Variants in L3MBTL4 observed in about 807,000 individuals in gnomAD.
The protein encoded by L3MBTL4 is L3MBTL histone methyl-lysine binding protein 4.
A neutral mutation model predicts 84.5 loss-of-function variants in L3MBTL4; 70 were observed. The observed-to-expected ratio is 0.83, with a 90% CI of 0.68 to 1.01. The LOEUF (loss-of-function observed/expected upper bound fraction) is 1.01, where lower values mean the gene tolerates loss of function less well. L3MBTL4 is among the 50% of genes least tolerant of loss of function. The pLI is 0.00. For missense variants in L3MBTL4, 715 were observed against 754.8 expected (o/e 0.95, Z 0.62); for synonymous variants, 274 against 259.8 (o/e 1.05, Z -0.52).
intron 1 of L3MBTL4, among the ~76,000 whole-genome samples, chr18:6,359,696 A>T (rs748375371): frequency 6.6e-6 from 1 of 152,144 alleles, no homozygotes; most frequent in Non-Finnish European, 1.5e-5. Flanking sequence ...AGAGAGTTGG[A>T]CAGACTGAGA....
intron 17 of L3MBTL4, among the ~76,000 whole-genome samples, chr18:5,965,055 C>T (rs1396057970): frequency 2.0e-5 from 3 of 152,198 alleles, no homozygotes; most frequent in African/African-American, 4.8e-5. Flanking sequence ...ATACTTTACA[C>T]CTCCACAACT....
At chr18:6,182,824 G>A (rs909263374) in intron 12 of L3MBTL4, among the ~76,000 whole-genome samples, 7 of 152,098 alleles carry the variant, frequency 4.6e-5, no homozygotes, top group Non-Finnish European at 8.8e-5. Context: ...CTTTTCAAAT[G>A]CTTTTTTAGG....
intron 3 of L3MBTL4, among the ~76,000 whole-genome samples, chr18:6,309,034 A>G (rs1414670178): frequency 6.6e-6 from 1 of 152,222 alleles, no homozygotes; most frequent in Non-Finnish European, 1.5e-5. Context: ...TTAGATATCC[A>G]AGGTATGAAA....
rs908959460 is a variant in L3MBTL4, at chr18:6,414,637, G to C, written c.-91+164C>G. ...AAGAGAAAGAGCCTGGGCCGGGACC[G>C]GGGCTATCCCCAACCGCCACCGCCC... On this transcript the variant is annotated intron_variant, in intron 1 of 18. Transcript: ENST00000317931. This position sits in a 1 kb window ranked among gnomAD's most constrained non-coding sequence, Gnocchi z 5.4. The C allele has an allele frequency of 8.7e-4, 133 of 152,146 alleles. No individual in the cohort carries two copies. Among genetic ancestry groups the C allele is most frequent in the African/African-American group, 3.0e-3 (124 of 41,538 alleles). The allele number at this position is 152,146 out of a possible 1,614,324, so 9.4% of individuals were successfully genotyped here.
chr18:6,174,320 T>G (rs2044121606), intron 12 of L3MBTL4, among the ~76,000 whole-genome samples: 1 of 152,066 alleles, frequency 6.6e-6, no homozygotes, highest in South Asian at 2.1e-4. Flanking sequence ...AGAAAAGGAT[T>G]GCAAAGTAGT....
intron 1 of L3MBTL4, among the ~76,000 whole-genome samples, chr18:6,370,133 CAAA>C (rs35835409): frequency 1.0e-4 from 9 of 88,272 alleles, no homozygotes; most frequent in South Asian, 4.0e-4. Flanking sequence ...GACTCGGTCT[CAAA>C]AAAAAAAAAA....
chr18:6,305,877 A>G (rs189692136), intron 3 of L3MBTL4, among the ~76,000 whole-genome samples: 3 of 152,308 alleles, frequency 2.0e-5, no homozygotes, highest in Admixed American at 6.5e-5. Context: ...ATGAATTCCA[A>G]TCAAGGGAAC....
At chr18:6,172,658 C>T (rs2145214932) in intron 12 of L3MBTL4, among the ~76,000 whole-genome samples, 1 of 152,128 alleles carries the variant, frequency 6.6e-6, no homozygotes, top group East Asian at 1.9e-4. Context: ...AACACACACA[C>T]ACATACCATG....
intron 16 of L3MBTL4, among the ~76,000 whole-genome samples, chr18:6,000,611 C>T (rs1262517467): frequency 2.0e-5 from 3 of 152,128 alleles, no homozygotes; most frequent in Admixed American, 6.5e-5. Context: ...AACAATGAAA[C>T]AGAGCAAATA....
chr18:6,314,435 G>A (rs2050992216), intron 1 of L3MBTL4, among the ~76,000 whole-genome samples: 1 of 152,158 alleles, frequency 6.6e-6, no homozygotes, highest in Admixed American at 6.5e-5. Flanking sequence ...ACTGAGCTGT[G>A]CCCGGTGTCC....
At chr18:6,197,112 CTTTTA>C (rs2045434977) in intron 12 of L3MBTL4, among the ~76,000 whole-genome samples, 2 of 152,088 alleles carry the variant, frequency 1.3e-5, no homozygotes, top group Non-Finnish European at 2.9e-5. Context: ...TTTTTAAAAA[CTTTTA>C]TTTTATGTTC....
chr18:6,030,234 A>C, intron 16 of L3MBTL4: 2 of 925,574 alleles, frequency 2.2e-6, no homozygotes, highest in Non-Finnish European at 2.6e-6. Context: ...CTGAAGGCTG[A>C]GGATCAGGTT....
chr18:6,059,896 T>C (rs2057149175), intron 16 of L3MBTL4, among the ~76,000 whole-genome samples: 1 of 152,258 alleles, frequency 6.6e-6, no homozygotes, highest in Non-Finnish European at 1.5e-5. Context: ...ATTTATTTTT[T>C]CTAAGTGAAG....
chr18:6,220,906 C>T (rs1007635728), intron 10 of L3MBTL4, among the ~76,000 whole-genome samples: 7 of 152,080 alleles, frequency 4.6e-5, no homozygotes, highest in Non-Finnish European at 8.8e-5. Context: ...ACCATTTGAA[C>T]AAAATGGTGC....
chr18:6,030,446 T>C, intron 16 of L3MBTL4: 1 of 983,684 alleles, frequency 1.0e-6, no homozygotes, highest in Non-Finnish European at 1.2e-6. Context: ...CAGGTATTAA[T>C]TTGCATTGCT....
chr18:5,961,785 T>C (rs2095264736), intron 17 of L3MBTL4, among the ~76,000 whole-genome samples: 1 of 152,174 alleles, frequency 6.6e-6, no homozygotes, highest in Non-Finnish European at 1.5e-5. Flanking sequence ...ACAGTTTTCT[T>C]GTTCTAGGTG....
chr18:6,052,033 T>C (rs560170668), intron 16 of L3MBTL4, among the ~76,000 whole-genome samples: 14 of 152,224 alleles, frequency 9.2e-5, no homozygotes, highest in Non-Finnish European at 1.8e-4. Context: ...GGTGTTTCCC[T>C]TGCAGTTTCC....
intron 13 of L3MBTL4, among the ~76,000 whole-genome samples, chr18:6,155,896 T>C (rs1367787105): frequency 6.6e-6 from 1 of 152,168 alleles, no homozygotes; most frequent in Non-Finnish European, 1.5e-5. Flanking sequence ...CTTGACTCTG[T>C]GTTCATTCCT....
intron 5 of L3MBTL4, among the ~76,000 whole-genome samples, chr18:6,257,358 C>T (rs2048188010): frequency 6.6e-6 from 1 of 152,048 alleles, no homozygotes; most frequent in African/African-American, 2.4e-5. Flanking sequence ...AAAATACACC[C>T]ACACGTAACC....
Sources: allele counts gnomAD v4.1 joint callset (sites outside exome capture counted in the v4.1 genomes callset), GRCh38; gene constraint gnomAD v4.1.1; non-coding constraint Gnocchi (gnomAD v3.1); transcripts MANE v1.5; gene names NCBI Gene and HGNC (gene_info 2026-07-23, HGNC 2026-07-21).